The following NSUN2 variants were observed in gnomAD, a reference collection of about 807,000 sequenced individuals.
The protein encoded by NSUN2 is RNA cytosine C(5)-methyltransferase NSUN2.
Under a neutral mutation model 92.7 loss-of-function variants are expected in NSUN2, and 63 were observed. The observed-to-expected ratio is 0.68, with a 90% CI of 0.56 to 0.84. The LOEUF (loss-of-function observed/expected upper bound fraction) is 0.84. Ranked by LOEUF, NSUN2 falls within the 40% of genes least tolerant of loss-of-function variation. NSUN2 has a pLI of 0.00. For missense variants in NSUN2, 989 were observed against 964.9 expected (o/e 1.02, Z -0.33); for synonymous variants, 356 against 348.3 (o/e 1.02, Z -0.25).
intron 14 of NSUN2, 91 bp downstream of exon 14, chr5:6,606,729 T>C: frequency 3.0e-6 from 2 of 668,696 alleles, no homozygotes; most frequent in Middle Eastern, 3.8e-4. Flanking sequence ...CAGAACTACA[T>C]ACAAAACAAT....
intron 16 of NSUN2, among the ~76,000 whole-genome samples, 159 bp from the exon 17 acceptor site, chr5:6,604,435 G>A (rs1413320050): frequency 1.3e-5 from 2 of 152,134 alleles, no homozygotes; most frequent in African/African-American, 4.8e-5. Context: ...CCCCTAGGAG[G>A]GGAAACCAGC....
intron 15 of NSUN2, 128 bp downstream of exon 15, chr5:6,605,145 G>C: frequency 7.9e-7 from 1 of 1,261,286 alleles, no homozygotes; most frequent in Non-Finnish European, 1.1e-6. Flanking sequence ...GCAGGCTCAG[G>C]GACCCACAGC....
intron 3 of NSUN2, among the ~76,000 whole-genome samples, chr5:6,626,812 T>A (rs1332547669): frequency 6.6e-6 from 1 of 152,216 alleles, no homozygotes; most frequent in Non-Finnish European, 1.5e-5. Flanking sequence ...TCACTAAACC[T>A]GAGATGCAGT....
intron 15 of NSUN2, 37 bp downstream of exon 15, chr5:6,605,236 C>G: frequency 6.2e-7 from 1 of 1,608,924 alleles, no homozygotes; most frequent in Non-Finnish European, 8.5e-7. Context: ...ACACGCATCC[C>G]GCATCACACA....
At chr5:6,616,163 A>G (rs1737202544) in intron 9 of NSUN2, among the ~76,000 whole-genome samples, 1 of 152,232 alleles carries the variant, frequency 6.6e-6, no homozygotes, top group Non-Finnish European at 1.5e-5. Flanking sequence ...GTGTATATCC[A>G]AAGAATCGTA....
chr5:6,632,028 C>T, intron 2 of NSUN2, 51 bp from the exon 3 acceptor site: 3 of 1,368,742 alleles, frequency 2.2e-6, no homozygotes, highest in Non-Finnish European at 3.1e-6. Flanking sequence ...TAAGTTAATA[C>T]ATTGTATCTT....
At chr5:6,602,046 C>T (rs951474952) in intron 18 of NSUN2, among the ~76,000 whole-genome samples, 1 of 152,186 alleles carries the variant, frequency 6.6e-6, no homozygotes, top group Non-Finnish European at 1.5e-5. Context: ...GTGAGCAAAT[C>T]CCATGCTCCG....
At chr5:6,614,095 GAAAA>G (rs70937111) in intron 9 of NSUN2, among the ~76,000 whole-genome samples, 1 of 34,654 alleles carries the variant, frequency 2.9e-5, no homozygotes, top group Non-Finnish European at 5.4e-5. Flanking sequence ...GACTGTCTCG[GAAAA>G]AAAAAAAAAA....
At chr5:6,627,440 C>T (rs555536808) in intron 3 of NSUN2, among the ~76,000 whole-genome samples, 11 of 152,330 alleles carry the variant, frequency 7.2e-5, no homozygotes, top group Admixed American at 6.5e-4. Context: ...ATGAACACCA[C>T]ATGCCATTTA....
intron 7 of NSUN2, 33 bp downstream of exon 7, chr5:6,620,073 G>A: frequency 1.3e-6 from 2 of 1,496,708 alleles, no homozygotes; most frequent in South Asian, 1.3e-5. Context: ...TTTCTTTAGT[G>A]GATTTGGGCT....
rs553988849 is a variant in NSUN2 at position 6,604,849 on chromosome 5, G to T, written c.1738-164C>A. ...AAGAACGAACTGATACTCACAACTT[G>T]TGATTACGTCGTTTGGAGGACAGTA... is the stretch of plus-strand genomic sequence containing the variant. On this transcript the variant is annotated intron_variant, in intron 15 of 18. Coordinates refer to ENST00000264670, the MANE Select transcript of NSUN2 (RefSeq NM_017755.6). 5 of 640,466 alleles carry T rather than the reference G, an allele frequency of 7.8e-6. No homozygotes were observed. The East Asian group carries it at 1.4e-4, about 17-fold the overall frequency. 39.7% of individuals were successfully genotyped at this position (640,466 alleles called of 1,614,324 possible). A position where few individuals can be genotyped will look rare whatever the true frequency, so the allele number is the denominator to read the frequency against.
chr5:6,606,190 C>T (rs6555402), intron 14 of NSUN2, among the ~76,000 whole-genome samples: 86,706 of 152,132 alleles, frequency 0.57, 25,852 homozygotes, highest in Non-Finnish European at 0.67. Flanking sequence ...TCTACAGAAA[C>T]TGAACTAGAC....
At chr5:6,623,183 C>G in intron 5 of NSUN2, 31 bp downstream of exon 5, 1 of 1,565,418 alleles carries the variant, frequency 6.4e-7, no homozygotes, top group South Asian at 1.2e-5. Context: ...ACAAGCTGCC[C>G]GCCCCCACGT....
intron 12 of NSUN2, among the ~76,000 whole-genome samples, chr5:6,608,542 G>A (rs906291689): frequency 1.5e-4 from 23 of 152,254 alleles, no homozygotes; most frequent in African/African-American, 5.5e-4. Context: ...GTAACAGAAA[G>A]AGAGAAGTAT....
chr5:6,612,676 T>C (rs1179751062), intron 9 of NSUN2, among the ~76,000 whole-genome samples: 1 of 152,234 alleles, frequency 6.6e-6, no homozygotes, highest in African/African-American at 2.4e-5. Context: ...GTAAGAAACC[T>C]TTGAAGCAAG....
rs1437883728 is a variant in NSUN2 at position 6,632,605 on chromosome 5, T to G, written c.248A>C (p.Tyr83Ser). The stretch of plus-strand genomic sequence containing the variant: ...TCAGGCACTGCCTCCCTACCTTTTG[T>G]AACCAGTAATTCTTAAAGTGGCCGG... ...PLPATLRITG[Y>S]KSHAKEILHC... The change falls in exon 2 of 19, where the codon TAC becomes TCC. Residue 83 changes from tyrosine to serine, a missense_variant. Coordinates refer to ENST00000264670, the MANE Select transcript of NSUN2 (RefSeq NM_017755.6). 6.2e-7 allele frequency: 1 copy of G among 1,613,970 alleles called. No individual in the cohort carries two copies. The highest frequency in any genetic ancestry group is 1.3e-5 in the African/African-American group (1 of 75,044).
At chr5:6,621,298 T>C (rs1488618592) in intron 6 of NSUN2, 1 of 152,106 alleles carries the variant, frequency 6.6e-6, no homozygotes. Context: ...AGTCTGATGG[T>C]AGCTTTTAAC....
chr5:6,631,108 G>A (rs189801012), intron 3 of NSUN2, among the ~76,000 whole-genome samples: 39 of 152,068 alleles, frequency 2.6e-4, no homozygotes, highest in African/African-American at 8.9e-4. Context: ...CAAACAAACA[G>A]ACAAACAAAA....
At chr5:6,618,710 T>A (rs1026820948) in intron 7 of NSUN2, among the ~76,000 whole-genome samples, 25 of 152,352 alleles carry the variant, frequency 1.6e-4, no homozygotes, top group Non-Finnish European at 5.9e-5. Flanking sequence ...GACTTTCTAC[T>A]TTTATTTAAT....
Sources: gnomAD v4.1 joint callset for allele counts (sites outside exome capture counted in the v4.1 genomes callset) on GRCh38, gnomAD v4.1.1 for gene constraint, MANE v1.5 for transcripts, NCBI Gene and HGNC (gene_info 2026-07-23, HGNC 2026-07-21) for gene names.